Variants in ZNF532 observed in about 807,000 individuals in gnomAD.
The protein encoded by ZNF532 is zinc finger protein 532.
In ZNF532, 22 loss-of-function variants were observed where a neutral mutation model predicts 89.3. The observed-to-expected ratio is 0.25, with a 90% CI of 0.18 to 0.35. ZNF532 has a LOEUF of 0.35. Among genes scored for constraint, ZNF532 ranks in the 10% least tolerant of loss-of-function variants. ZNF532 has a pLI of 1.00. For synonymous variants in ZNF532, 606 were observed against 649.6 expected, an observed-to-expected ratio of 0.93 and a Z score of 1.02; for missense variants, 1,132 against 1,643.4, an observed-to-expected ratio of 0.69 and a Z score of 5.38.
intron 9 of ZNF532, among the ~76,000 whole-genome samples, chr18:58,983,298 A>G (rs2068045446): frequency 6.6e-6 from 1 of 152,084 alleles, no homozygotes. Context: ...TGTGAAGGTG[A>G]GGAGGCAGGA....
intron 2 of ZNF532, among the ~76,000 whole-genome samples, chr18:58,872,485 A>G (rs2057069694): frequency 6.6e-6 from 1 of 152,186 alleles, no homozygotes; most frequent in African/African-American, 2.4e-5. Flanking sequence ...AAAAACCTAA[A>G]AAGGTTAGAA....
chr18:58,870,072 GT>G (rs764095848), intron 2 of ZNF532, among the ~76,000 whole-genome samples: 37,755 of 112,758 alleles, frequency 0.33, 6,028 homozygotes, highest in East Asian at 0.64. Context: ...AGCCCAGGTT[GT>G]TTTTTTTTTT....
rs770424770 is a variant in ZNF532, at chr18:58,918,632, T to C, written c.345T>C (p.Pro115=). ...CAAAGTCCTTGAAAGGAGATGTGCC[T>C]GCCTCTGAGGTGACACTGAAAGACT... ...DGAKSLKGDV[P]ASEVTLKDST... Residue 115 remains proline, a synonymous_variant, in exon 3 of 10, where the codon CCT becomes CCC. Coordinates refer to ENST00000591808, the MANE Select transcript of ZNF532 (RefSeq NM_001375912.1). 3.7e-6 allele frequency: 6 copies of C among 1,614,076 alleles called. No homozygotes were observed. The South Asian group carries it at 5.5e-5, about 15-fold the overall frequency.
intron 2 of ZNF532, among the ~76,000 whole-genome samples, chr18:58,888,145 C>A (rs1208597104): frequency 6.6e-6 from 1 of 151,570 alleles, no homozygotes; most frequent in African/African-American, 2.4e-5. Context: ...AAACCACAAT[C>A]ATCATGAGTA....
Position 58,866,467 on chromosome 18 carries a change from C to T in ZNF532, c.-18+888C>T, listed in dbSNP as rs996447919. 1.1e-4 allele frequency among the ~76,000 whole-genome samples: 16 copies of T among 152,222 alleles called. 1 individual carries two copies. The highest frequency in any genetic ancestry group is 2.2e-4 in the Non-Finnish European group (15 of 68,036). On this transcript the variant is annotated intron_variant, in intron 2 of 9. Transcript: ENST00000591808. ...ACTGCAACTTCCCCAAACAGGAAAC[C>T]AGCAGCTCCAGAATGGGATCCAGTG...
At chr18:58,882,447 A>G (rs1317720224) in intron 2 of ZNF532, among the ~76,000 whole-genome samples, 2 of 152,002 alleles carry the variant, frequency 1.3e-5, no homozygotes, top group East Asian at 3.9e-4. Context: ...TCCTAAAGAG[A>G]ATATATTTTT....
At chr18:58,934,358 G>A in intron 3 of ZNF532, 75 bp from the exon 4 acceptor site, 1 of 1,371,216 alleles carries the variant, frequency 7.3e-7, no homozygotes, top group Non-Finnish European at 1.0e-6. Context: ...ATTATCTGGA[G>A]GTTTAACCAA....
chr18:58,866,255 A>G (rs1419017838), intron 2 of ZNF532, among the ~76,000 whole-genome samples: 1 of 152,220 alleles, frequency 6.6e-6, no homozygotes, highest in African/African-American at 2.4e-5. Context: ...GGGTGGTAGA[A>G]AATGTCTGAT....
At chr18:58,883,678 G>A (rs1238309206) in intron 2 of ZNF532, among the ~76,000 whole-genome samples, 1 of 152,120 alleles carries the variant, frequency 6.6e-6, no homozygotes, top group African/African-American at 2.4e-5. Flanking sequence ...TTAGCATTTG[G>A]GGCTGGATAA....
chr18:58,929,653 A>T (rs2061791282), intron 3 of ZNF532, among the ~76,000 whole-genome samples: 1 of 152,220 alleles, frequency 6.6e-6, no homozygotes, highest in African/African-American at 2.4e-5. Flanking sequence ...TGTGTTGGCC[A>T]TATAGCTTTC....
intron 2 of ZNF532, among the ~76,000 whole-genome samples, chr18:58,871,692 T>C (rs1230244052): frequency 6.6e-6 from 1 of 152,182 alleles, no homozygotes; most frequent in African/African-American, 2.4e-5. Flanking sequence ...ACTGCCAGCG[T>C]GAGAATATGC....
intron 5 of ZNF532, among the ~76,000 whole-genome samples, chr18:58,947,048 C>T (rs1368503001): frequency 6.6e-6 from 1 of 152,274 alleles, no homozygotes; most frequent in African/African-American, 2.4e-5. Context: ...ATTTCTGACC[C>T]TCACATCCAG....
At position 58,925,823 on chromosome 18, in the gene ZNF532, A is replaced by G. The variant is rs144269472; in HGVS notation, c.2346+5190A>G. Among the ~76,000 whole-genome samples, 1,099 of 152,172 alleles carry G rather than the reference A, an allele frequency of 7.2e-3. 7 individuals carry two copies. Among genetic ancestry groups the G allele is most frequent in the African/African-American group, 0.025 (1,029 of 41,518 alleles). The stretch of plus-strand genomic sequence containing the variant: ...AGGTGGAGGGTCATTTTTTCCCCCA[A>G]TACTTGGCCATTTGTTGAAGATGCT... On this transcript the variant is annotated intron_variant, in intron 3 of 9. Transcript: ENST00000591808.
intron 7 of ZNF532, among the ~76,000 whole-genome samples, chr18:58,960,281 C>T (rs926900045): frequency 1.3e-5 from 2 of 152,150 alleles, no homozygotes; most frequent in African/African-American, 4.8e-5. Context: ...AATTCCTGAG[C>T]TCAAGTGATC....
chr18:58,954,309 T>C (rs1295530898), intron 7 of ZNF532: 4 of 974,690 alleles, frequency 4.1e-6, no homozygotes, highest in Non-Finnish European at 4.9e-6. Context: ...CTGAGTCACA[T>C]ATGTATATCC....
intron 7 of ZNF532, among the ~76,000 whole-genome samples, chr18:58,974,198 A>C (rs183590721): frequency 1.7e-3 from 266 of 152,294 alleles, no homozygotes; most frequent in Admixed American, 5.5e-3. Context: ...AATATGAAGG[A>C]ATATAGTGAA....
chr18:58,890,641 A>T (rs1342023077), intron 2 of ZNF532, among the ~76,000 whole-genome samples: 3 of 149,496 alleles, frequency 2.0e-5, no homozygotes, highest in African/African-American at 7.4e-5. Context: ...AGGATATGTG[A>T]ATTACTTATT....
chr18:58,936,597 C>A (rs879327251), intron 4 of ZNF532, among the ~76,000 whole-genome samples: 2 of 152,146 alleles, frequency 1.3e-5, no homozygotes, highest in Non-Finnish European at 2.9e-5. Flanking sequence ...TGTTCAAATT[C>A]GGTATTTCAA....
chr18:58,863,355 G>A (rs2056118151), upstream of ZNF532: 2 of 149,326 alleles, frequency 1.3e-5, no homozygotes, highest in Non-Finnish European at 3.0e-5. Context: ...CGCCGCCGCC[G>A]GACTCGGGGC....
Sources: gnomAD v4.1 joint callset for allele counts (sites outside exome capture counted in the v4.1 genomes callset) on GRCh38, gnomAD v4.1.1 for gene constraint, MANE v1.5 for transcripts, NCBI Gene and HGNC (gene_info 2026-07-23, HGNC 2026-07-21) for gene names.